Variants in ZFAND4 observed in about 807,000 individuals in gnomAD.
ZFAND4 encodes the protein zinc finger AN1-type containing 4, also known as AN1-type zinc finger protein 4.
A neutral mutation model predicts 64.4 loss-of-function variants in ZFAND4; 43 were observed. That is an observed-to-expected ratio of 0.67 (90% confidence interval 0.52 to 0.86). The LOEUF (loss-of-function observed/expected upper bound fraction) is 0.86. Ranked by LOEUF, ZFAND4 falls within the 40% of genes least tolerant of loss-of-function variation. ZFAND4 has a pLI of 0.00. For synonymous variants in ZFAND4, 296 were observed against 305.7 expected (o/e 0.97, Z 0.33); for missense variants, 929 against 859.8 (o/e 1.08, Z -1.01).
chr10:45,634,779 C>T (rs1329951719), intron 6 of ZFAND4, among the ~76,000 whole-genome samples: 1 of 151,912 alleles, frequency 6.6e-6, no homozygotes, highest in Non-Finnish European at 1.5e-5. Context: ...CACCAAAAAA[C>T]GATTAGAACT....
intron 6 of ZFAND4, among the ~76,000 whole-genome samples, chr10:45,632,817 GT>G (rs1283715305): frequency 4.6e-5 from 7 of 152,098 alleles, no homozygotes. Context: ...TAAGTTACCT[GT>G]TTTAAAATTT....
intron 8 of ZFAND4, among the ~76,000 whole-genome samples, chr10:45,623,413 T>C (rs187601978): frequency 1.4e-4 from 21 of 152,304 alleles, no homozygotes; most frequent in Non-Finnish European, 2.8e-4. Flanking sequence ...ATGGTGTGTG[T>C]GTATGTGTAT....
chr10:45,624,444 G>T, intron 8 of ZFAND4, 139 bp downstream of exon 8: 1 of 657,292 alleles, frequency 1.5e-6, no homozygotes, highest in Non-Finnish European at 2.5e-6. Flanking sequence ...ATTCTTAATT[G>T]GAAAAAGCAT....
intron 8 of ZFAND4, among the ~76,000 whole-genome samples, chr10:45,624,334 G>T (rs2045642728): frequency 6.6e-6 from 1 of 151,958 alleles, no homozygotes; most frequent in Admixed American, 6.6e-5. Flanking sequence ...TAATCTTGTG[G>T]GTTTTTTTGA....
intron 2 of ZFAND4, among the ~76,000 whole-genome samples, chr10:45,661,261 C>T (rs1314877271): frequency 1.3e-5 from 2 of 152,172 alleles, no homozygotes; most frequent in Non-Finnish European, 2.9e-5. Context: ...GTAATTTGGG[C>T]AGCCAGTAAT....
At chr10:45,646,443 T>C (rs1473606031) in intron 5 of ZFAND4, among the ~76,000 whole-genome samples, 1 of 152,182 alleles carries the variant, frequency 6.6e-6, no homozygotes. Context: ...CATCCATCCC[T>C]TTCCTTGTCC....
At chr10:45,664,751 C>A (rs1251729067) in intron 1 of ZFAND4, among the ~76,000 whole-genome samples, 4 of 151,710 alleles carry the variant, frequency 2.6e-5, no homozygotes, top group Admixed American at 2.6e-4. Flanking sequence ...CATGGTGAGA[C>A]CCAATCTCTA....
chr10:45,646,240 C>A (rs745544759), intron 5 of ZFAND4, among the ~76,000 whole-genome samples: 26 of 152,150 alleles, frequency 1.7e-4, no homozygotes, highest in Non-Finnish European at 3.7e-4. Context: ...TGTTTTCTCT[C>A]GTTACATAAG....
chr10:45,619,131 T>C (rs1564542795), intron 8 of ZFAND4, among the ~76,000 whole-genome samples: 1 of 152,166 alleles, frequency 6.6e-6, no homozygotes, highest in East Asian at 1.9e-4. Context: ...CTCTGTGTCT[T>C]GGGTTCAAGT....
intron 2 of ZFAND4, chr10:45,662,729 AC>A (rs2048560443): frequency 1.1e-6 from 1 of 938,126 alleles, no homozygotes; most frequent in Non-Finnish European, 1.3e-6. Context: ...CCTTGGCCTC[AC>A]AAAAATGAAA....
rs770080161 is a variant in ZFAND4, at chr10:45,626,822, T to C, written c.1001A>G (p.Asn334Ser). The C allele has an allele frequency of 2.5e-5, 41 of 1,614,100 alleles. No homozygotes were observed. The highest frequency in any genetic ancestry group is 3.3e-5 in the Non-Finnish European group (39 of 1,180,046). ...GGGTATCTGAGGAGGTAGTTTGACGTTGCTACTGAAGTGAGACAGTGTGTT... is the reference window on the plus strand; with the variant it reads ...GGGTATCTGAGGAGGTAGTTTGACGCTGCTACTGAAGTGAGACAGTGTGTT... Reference protein sequence around the residue: ...ENNTLSHFSSNVKLPPQIPHL... With the variant: ...ENNTLSHFSSSVKLPPQIPHL... The change falls in exon 7 of 10, where the codon AAC becomes AGC. Residue 334 changes from asparagine (N) to serine (S), a missense_variant. Physicochemically the swap from Asn to Ser is conservative, Grantham distance 46 (BLOSUM62 1). Coordinates refer to ENST00000344646, the MANE Select transcript of ZFAND4 (RefSeq NM_174890.4).
At chr10:45,628,799 T>C (rs1025059604) in intron 6 of ZFAND4, among the ~76,000 whole-genome samples, 3 of 146,802 alleles carry the variant, frequency 2.0e-5, no homozygotes, top group Admixed American at 7.0e-5. Flanking sequence ...ACATATGATA[T>C]GAACTTCAAA....
chr10:45,637,982 G>C (rs2046728245), intron 6 of ZFAND4, among the ~76,000 whole-genome samples: 1 of 152,004 alleles, frequency 6.6e-6, no homozygotes, highest in African/African-American at 2.4e-5. Flanking sequence ...GACTTGAACA[G>C]GCACTTCACA....
Position 45,615,840 on chromosome 10 carries a change from T to A in ZFAND4, c.*596A>T, listed in dbSNP as rs2080827075. ...ATTCATGTCCGAATACTAATCTGAA[T>A]GTGGAAGAAATGTATTATCTGTTAA... On this transcript the variant is annotated 3_prime_UTR_variant, in exon 10 of 10. Transcript: ENST00000344646. The A allele has an allele frequency of 1.3e-5, 2 of 152,182 alleles. No individual in the cohort carries two copies. Among genetic ancestry groups the A allele is most frequent in the Admixed American group, 1.3e-4 (2 of 15,276 alleles). The allele number at this position is 152,182 out of a possible 1,614,324, so 9.4% of individuals were successfully genotyped here.
chr10:45,669,340 G>C (rs1564643022), intron 1 of ZFAND4, among the ~76,000 whole-genome samples: 1 of 152,146 alleles, frequency 6.6e-6, no homozygotes, highest in Non-Finnish European at 1.5e-5. Context: ...GGAAGAAGTG[G>C]AATCTCTGAA....
rs548969115 is a variant in ZFAND4 at position 45,635,061 on chromosome 10, A to G, written c.717+4755T>C. Among the ~76,000 whole-genome samples the G allele has an allele frequency of 2.0e-5, 3 of 152,070 alleles. No individual in the cohort carries two copies. In the South Asian group the frequency reaches 6.2e-4, roughly 32 times the overall value. On this transcript the variant is annotated intron_variant, in intron 6 of 9. Transcript: ENST00000344646. Reference sequence around the variant, plus strand: ...GAATTAATATTGTTAAAATGTCCATACTGCCCAACGCAATCTACAAATTCA... The same window carrying G: ...GAATTAATATTGTTAAAATGTCCATGCTGCCCAACGCAATCTACAAATTCA...
At chr10:45,627,924 G>A (rs918023241) in intron 6 of ZFAND4, among the ~76,000 whole-genome samples, 1 of 152,144 alleles carries the variant, frequency 6.6e-6, no homozygotes, top group Non-Finnish European at 1.5e-5. Flanking sequence ...TTTTACCTTT[G>A]CTGATTTTGC....
At chr10:45,641,258 A>AG (rs2046979950) in intron 5 of ZFAND4, among the ~76,000 whole-genome samples, 1 of 152,262 alleles carries the variant, frequency 6.6e-6, no homozygotes, top group South Asian at 2.1e-4. Flanking sequence ...CAAGCTTGGC[A>AG]CATTTGGAAA....
chr10:45,651,860 G>C (rs937828598), intron 4 of ZFAND4, 106 bp downstream of exon 4: 2 of 975,620 alleles, frequency 2.0e-6, no homozygotes, highest in Non-Finnish European at 3.2e-6. Context: ...ATTTTTCTAA[G>C]ACCTAATAGC....
Sources: allele counts gnomAD v4.1 joint callset (sites outside exome capture counted in the v4.1 genomes callset), GRCh38; gene constraint gnomAD v4.1.1; transcripts MANE v1.5; gene names NCBI Gene and HGNC (gene_info 2026-07-23, HGNC 2026-07-21).